Variants in DPF3 observed in about 807,000 individuals in gnomAD.
DPF3 encodes double PHD fingers 3.
DPF3 carries 18 observed loss-of-function variants against 56.8 expected under a neutral mutation model. The observed-to-expected ratio is 0.32, with a 90% CI of 0.22 to 0.47. The LOEUF is 0.47. Among genes scored for constraint, DPF3 ranks in the 20% least tolerant of loss-of-function variants. The pLI, the probability that DPF3 is intolerant of heterozygous loss-of-function variation, is 1.00. For synonymous variants in DPF3, 188 were observed against 180.2 expected (o/e 1.04, Z -0.35); for missense variants, 403 against 488.8 (o/e 0.82, Z 1.65).
At chr14:72,740,118 C>T in intron 3 of DPF3, among the ~76,000 whole-genome samples, 1 of 152,086 alleles carries the variant, frequency 6.6e-6, no homozygotes, top group East Asian at 1.9e-4. Context: ...GGCAAAGGGG[C>T]CTTCAGCACA....
chr14:72,869,146 G>T (rs1885795182), intron 1 of DPF3, among the ~76,000 whole-genome samples: 1 of 152,130 alleles, frequency 6.6e-6, no homozygotes, highest in South Asian at 2.1e-4. Flanking sequence ...CCCTCTGCTG[G>T]GATCAAATGT....
intron 8 of DPF3, among the ~76,000 whole-genome samples, chr14:72,666,820 T>C (rs1456528215): frequency 6.6e-6 from 1 of 152,012 alleles, no homozygotes; most frequent in Non-Finnish European, 1.5e-5. Context: ...ACAAGTCACT[T>C]CTCCTCCAAA....
intron 1 of DPF3, among the ~76,000 whole-genome samples, chr14:72,781,060 C>T (rs1235649972): frequency 6.6e-6 from 1 of 152,198 alleles, no homozygotes; most frequent in Non-Finnish European, 1.5e-5. Context: ...AGCTCCCCAA[C>T]CTCTAAAACA....
At chr14:72,697,114 C>A (rs1887938994) in intron 6 of DPF3, among the ~76,000 whole-genome samples, 1 of 152,162 alleles carries the variant, frequency 6.6e-6, no homozygotes, top group Non-Finnish European at 1.5e-5. Context: ...GTCCCAGAAG[C>A]CAGACTTCTT....
intron 6 of DPF3, among the ~76,000 whole-genome samples, chr14:72,705,939 G>C (rs1407111045): frequency 1.3e-5 from 2 of 150,528 alleles, no homozygotes; most frequent in East Asian, 3.9e-4. Flanking sequence ...ATGAGAGAGA[G>C]AAAAAAAAAG....
chr14:72,821,060 A>G (rs12433097), intron 1 of DPF3, among the ~76,000 whole-genome samples: 14,002 of 150,722 alleles, frequency 0.093, 800 homozygotes, highest in Admixed American at 0.18. Context: ...CTTGAACCTG[A>G]GACGCAGAGG....
chr14:72,678,068 T>G (rs1327786686), intron 7 of DPF3, among the ~76,000 whole-genome samples: 1 of 152,210 alleles, frequency 6.6e-6, no homozygotes, highest in Non-Finnish European at 1.5e-5. Flanking sequence ...TTTCATTGAT[T>G]CTTGCAAAAA....
intron 1 of DPF3, among the ~76,000 whole-genome samples, chr14:72,793,855 A>G (rs1892536919): frequency 6.6e-6 from 1 of 152,240 alleles, no homozygotes; most frequent in South Asian, 2.1e-4. Context: ...TTGCACCTTC[A>G]AGAGAAAATG....
At chr14:72,655,756 C>T (rs1268675900) in intron 8 of DPF3, among the ~76,000 whole-genome samples, 1 of 152,188 alleles carries the variant, frequency 6.6e-6, no homozygotes, top group Non-Finnish European at 1.5e-5. Flanking sequence ...AGTTAGTGAT[C>T]AGAATACATA....
At chr14:72,732,034 G>A (rs1030003455) in intron 3 of DPF3, 100 bp from the exon 4 acceptor site, 3 of 1,453,318 alleles carry the variant, frequency 2.1e-6, no homozygotes, top group Middle Eastern at 2.4e-4. Flanking sequence ...TCCTGAGGAG[G>A]ACTCGGGGCC....
intron 2 of DPF3, among the ~76,000 whole-genome samples, chr14:72,755,470 G>A (rs550997799): frequency 8.5e-5 from 13 of 152,280 alleles, no homozygotes; most frequent in South Asian, 8.3e-4. Context: ...GGAAGAGCAC[G>A]TGAGTCCTGG....
At chr14:72,753,211 A>C in intron 3 of DPF3, 53 bp downstream of exon 3, 1 of 1,560,748 alleles carries the variant, frequency 6.4e-7, no homozygotes. Flanking sequence ...GGCCCAGCCC[A>C]GTCCTCCCAC....
At chr14:72,771,044 C>T (rs919139967) in intron 2 of DPF3, among the ~76,000 whole-genome samples, 3 of 152,014 alleles carry the variant, frequency 2.0e-5, no homozygotes, top group East Asian at 1.9e-4. Context: ...GGTGTGGTGG[C>T]GCACGCCTGT....
intron 3 of DPF3, among the ~76,000 whole-genome samples, chr14:72,752,706 A>G (rs1292967854): frequency 1.3e-5 from 2 of 152,176 alleles, no homozygotes; most frequent in South Asian, 2.1e-4. Flanking sequence ...AACGCCACCA[A>G]TTCCTTCTGT....
intron 3 of DPF3, among the ~76,000 whole-genome samples, chr14:72,750,739 T>C (rs961398826): frequency 8.2e-6 from 1 of 122,416 alleles, no homozygotes. Flanking sequence ...GGAGGGAAAG[T>C]CAGATAGATT....
chr14:72,874,334 C>A (rs1886025092), intron 1 of DPF3, among the ~76,000 whole-genome samples: 1 of 151,826 alleles, frequency 6.6e-6, no homozygotes. Flanking sequence ...AAAAAATTAG[C>A]CAGGCATGGT....
intron 1 of DPF3, among the ~76,000 whole-genome samples, chr14:72,884,403 T>C (rs1886435431): frequency 6.6e-6 from 1 of 152,176 alleles, no homozygotes; most frequent in Admixed American, 6.5e-5. Context: ...ATAGTAGGTA[T>C]TATTGACTGC....
At chr14:72,619,423 C>A (rs375153111) in intron 10 of DPF3, 56 bp from the exon 11 acceptor site, 3 of 1,507,686 alleles carry the variant, frequency 2.0e-6, no homozygotes, top group African/African-American at 1.4e-5. Flanking sequence ...TGGAGCCCCA[C>A]CCCACTGGCC....
At position 72,644,802 on chromosome 14, in the gene DPF3, G is replaced by C. The variant is rs116088146; in HGVS notation, c.872-15066C>G. The stretch of plus-strand genomic sequence containing the variant: ...GAAACCATCAACCATCTCTAAAATG[G>C]CTCTGGTTCACCTGAGCATTAGGTG... On this transcript the variant is annotated intron_variant, in intron 8 of 10. Transcript: ENST00000556509. Among the ~76,000 whole-genome samples the C allele has an allele frequency of 4.1e-3, 619 of 152,260 alleles. 6 individuals carry two copies. The highest frequency in any genetic ancestry group is 0.014 in the African/African-American group (589 of 41,554).
Sources: allele counts gnomAD v4.1 joint callset (sites outside exome capture counted in the v4.1 genomes callset), GRCh38; gene constraint gnomAD v4.1.1; transcripts MANE v1.5; gene names NCBI Gene and HGNC (gene_info 2026-07-23, HGNC 2026-07-21).